The following TENM1 variants were observed in gnomAD, a reference collection of about 807,000 sequenced individuals.
TENM1 encodes teneurin-1.
Under a neutral mutation model 174.8 loss-of-function variants are expected in TENM1, and 35 were observed. That is an observed-to-expected ratio of 0.20 (90% CI 0.15 to 0.27). The LOEUF (loss-of-function observed/expected upper bound fraction) is 0.27, where lower values mean the gene tolerates loss of function less well. Ranked by LOEUF, TENM1 falls within the 10% of genes least tolerant of loss-of-function variation. TENM1 has a pLI of 1.00. For synonymous variants in TENM1, 781 were observed against 798.7 expected, an observed-to-expected ratio of 0.98 and a Z score of 0.37; for missense variants, 1,633 against 2,130.1, an observed-to-expected ratio of 0.77 and a Z score of 4.59.
At chrX:124,799,765 A>G (rs2055397669) in intron 3 of TENM1, among the ~76,000 whole-genome samples, 1 of 111,187 alleles carries the variant, frequency 9.0e-6, no homozygotes, top group South Asian at 3.8e-4. Context: ...TATAATTTTG[A>G]GATATGTTCC....
chrX:124,962,774 C>T (rs1487796880), intron 1 of TENM1, among the ~76,000 whole-genome samples: 3 of 110,663 alleles, frequency 2.7e-5, no homozygotes, highest in Non-Finnish European at 5.7e-5. Context: ...GCCGAGATTG[C>T]GCCACTGCAC....
chrX:124,628,836 G>A (rs1189034966), intron 11 of TENM1, among the ~76,000 whole-genome samples: 1 of 111,851 alleles, frequency 8.9e-6, no homozygotes, highest in Non-Finnish European at 1.9e-5. Context: ...TCAATAAAAT[G>A]TAAGTGAATG....
the TENM1 span, among the ~76,000 whole-genome samples, chrX:125,196,148 T>C: frequency 3.6e-5 from 4 of 110,984 alleles, no homozygotes; most frequent in Admixed American, 1.9e-4. Flanking sequence ...ACTGTTCTTC[T>C]CCCTTAGCGG....
At chrX:124,854,669 C>T (rs1386741449) in intron 3 of TENM1, among the ~76,000 whole-genome samples, 2 of 111,427 alleles carry the variant, frequency 1.8e-5, no homozygotes, top group Non-Finnish European at 3.8e-5. Context: ...AAGTTTACTG[C>T]AACAGGACAA....
chrX:125,050,828 T>C, the TENM1 span, among the ~76,000 whole-genome samples: 1 of 111,775 alleles, frequency 8.9e-6, no homozygotes, highest in South Asian at 3.7e-4. Flanking sequence ...CACCTGTTGT[T>C]TCCTGACTTT....
chrX:124,848,228 T>C (rs1429051962), intron 3 of TENM1, among the ~76,000 whole-genome samples: 1 of 111,321 alleles, frequency 9.0e-6, no homozygotes, highest in South Asian at 3.7e-4. Flanking sequence ...ATGACTACTC[T>C]AATTTATACA....
At chrX:124,406,895 G>T (rs1009568028) in intron 25 of TENM1, among the ~76,000 whole-genome samples, 2 of 111,300 alleles carry the variant, frequency 1.8e-5, no homozygotes, top group Admixed American at 9.6e-5. Flanking sequence ...GTACAAAAGG[G>T]CCCTCAAAGG....
the TENM1 span, among the ~76,000 whole-genome samples, chrX:124,981,951 T>A: frequency 1.5e-4 from 4 of 27,188 alleles, no homozygotes; most frequent in African/African-American, 9.0e-4. Context: ...AAACTTAGAG[T>A]ATAATAAAAA....
intron 3 of TENM1, among the ~76,000 whole-genome samples, chrX:124,770,329 C>A (rs1377735386): frequency 9.0e-6 from 1 of 111,324 alleles, no homozygotes; most frequent in Non-Finnish European, 1.9e-5. Flanking sequence ...TATTTCACAC[C>A]AGTACAGAAT....
chrX:125,006,212 GT>G, the TENM1 span, among the ~76,000 whole-genome samples: 8 of 111,963 alleles, frequency 7.1e-5, no homozygotes, highest in African/African-American at 2.6e-4. Context: ...TGTAGCTTTA[GT>G]AGGTGGTTTT....
At chrX:125,203,034 A>C in the TENM1 span, among the ~76,000 whole-genome samples, 5 of 112,024 alleles carry the variant, frequency 4.5e-5, no homozygotes, top group African/African-American at 1.6e-4. Flanking sequence ...GGTTAAAGTC[A>C]ACACCGACGG....
intron 3 of TENM1, among the ~76,000 whole-genome samples, chrX:124,879,607 C>T (rs1461574103): frequency 1.8e-5 from 2 of 111,411 alleles, no homozygotes; most frequent in African/African-American, 6.5e-5. Context: ...TTTGATATAC[C>T]GATTTCTTTT....
intron 1 of TENM1, among the ~76,000 whole-genome samples, chrX:124,952,782 A>G (rs931653914): frequency 9.0e-6 from 1 of 111,653 alleles, no homozygotes; most frequent in African/African-American, 3.3e-5. Flanking sequence ...CTTCCATGAC[A>G]TAAAAGACAC....
intron 28 of TENM1, among the ~76,000 whole-genome samples, chrX:124,391,369 A>G (rs2060279912): frequency 8.9e-6 from 1 of 112,018 alleles, no homozygotes; most frequent in Admixed American, 9.5e-5. Flanking sequence ...GATAGAGATC[A>G]ATTACTCTTA....
At chrX:124,774,835 A>C (rs1362851464) in intron 3 of TENM1, among the ~76,000 whole-genome samples, 3 of 110,991 alleles carry the variant, frequency 2.7e-5, no homozygotes, top group African/African-American at 9.9e-5. Context: ...TCTGCATTGT[A>C]GTCTGAAACT....
At chrX:124,778,185 C>T (rs1224768137) in intron 3 of TENM1, among the ~76,000 whole-genome samples, 1 of 112,605 alleles carries the variant, frequency 8.9e-6, no homozygotes, top group Non-Finnish European at 1.9e-5. Flanking sequence ...AACGGGGTCC[C>T]TGGAGAATCT....
chrX:125,008,384 A>C, the TENM1 span, among the ~76,000 whole-genome samples: 1 of 112,101 alleles, frequency 8.9e-6, no homozygotes. Flanking sequence ...TTAATAAAAC[A>C]AGTTTTTAGA....
At chrX:124,752,707 A>T (rs1349331388) in intron 3 of TENM1, among the ~76,000 whole-genome samples, 1 of 111,619 alleles carries the variant, frequency 9.0e-6, no homozygotes, top group East Asian at 2.8e-4. Context: ...AGCTTTCTAC[A>T]TATGGCTAGC....
intron 3 of TENM1, among the ~76,000 whole-genome samples, chrX:124,809,450 A>C (rs770568547): frequency 9.0e-6 from 1 of 111,654 alleles, no homozygotes; most frequent in Admixed American, 9.5e-5. Flanking sequence ...TAGCAAACCT[A>C]CTTCAAAAGC....
Sources: allele counts gnomAD v4.1 joint callset (sites outside exome capture counted in the v4.1 genomes callset), GRCh38; gene constraint gnomAD v4.1.1; transcripts MANE v1.5; gene names NCBI Gene and HGNC (gene_info 2026-07-23, HGNC 2026-07-21).